The following HDHD2 variants were observed in gnomAD, a reference collection of about 807,000 sequenced individuals.
The protein encoded by HDHD2 is haloacid dehalogenase-like hydrolase domain-containing protein 2.
In HDHD2, 26 loss-of-function variants were observed where a neutral mutation model predicts 24.8. The observed-to-expected ratio is 1.05, with a 90% CI of 0.77 to 1.45. HDHD2 has a LOEUF of 1.45. Ranked by LOEUF, HDHD2 falls within the 40% of genes most tolerant of loss-of-function variation. The probability of loss-of-function intolerance (pLI) is 0.00; values close to 1 mark genes in which losing one functional copy is unlikely to be tolerated. For missense variants in HDHD2, 299 were observed against 313.4 expected, an observed-to-expected ratio of 0.95 and a Z score of 0.35; for synonymous variants, 128 against 114.9, an observed-to-expected ratio of 1.11 and a Z score of -0.73.
chr18:47,124,356 A>G (rs2063636092), intron 4 of HDHD2, among the ~76,000 whole-genome samples: 1 of 152,200 alleles, frequency 6.6e-6, no homozygotes, highest in African/African-American at 2.4e-5. Context: ...GGCAAATCAA[A>G]GATAGGGATA....
intron 3 of HDHD2, among the ~76,000 whole-genome samples, chr18:47,131,679 G>A (rs1800437657): frequency 6.6e-6 from 1 of 151,936 alleles, no homozygotes. Flanking sequence ...TTTTATTATT[G>A]CATCTCTTTT....
intron 2 of HDHD2, among the ~76,000 whole-genome samples, chr18:47,135,856 G>A (rs556625464): frequency 1.3e-5 from 2 of 152,198 alleles, no homozygotes; most frequent in South Asian, 4.1e-4. Flanking sequence ...ACAGTCCTTA[G>A]CCTTTAAAAG....
intron 1 of HDHD2, among the ~76,000 whole-genome samples, chr18:47,148,474 G>C (rs1599978371): frequency 6.6e-6 from 1 of 152,146 alleles, no homozygotes; most frequent in African/African-American, 2.4e-5. Flanking sequence ...CCCCTTAGAA[G>C]AGCCATAAAC....
Position 47,134,480 on chromosome 18 carries a change from T to C in HDHD2, c.310+16A>G. On this transcript the variant is annotated intron_variant, in intron 3 of 6. Coordinates refer to ENST00000300605, the MANE Select transcript of HDHD2 (RefSeq NM_032124.5). ...ATATAAATATCCAATCTTTAAATTT[T>C]CCAAATTTCCCCTACCTTTGAAATC... is the stretch of plus-strand genomic sequence containing the variant. The C allele has an allele frequency of 6.3e-7, 1 of 1,587,022 alleles. No homozygotes were observed. Among genetic ancestry groups the C allele is most frequent in the East Asian group, 2.2e-5 (1 of 44,734 alleles).
intron 3 of HDHD2, among the ~76,000 whole-genome samples, chr18:47,132,952 G>A (rs1481225676): frequency 1.3e-5 from 2 of 152,106 alleles, no homozygotes; most frequent in Non-Finnish European, 2.9e-5. Context: ...CTGCATTGAG[G>A]ATTAGCTTAT....
intron 3 of HDHD2, among the ~76,000 whole-genome samples, chr18:47,133,527 C>T (rs2063734084): frequency 7.0e-6 from 1 of 142,778 alleles, no homozygotes; most frequent in Non-Finnish European, 1.5e-5. Context: ...AATGGTATTT[C>T]TAGTTCTAGA....
intron 1 of HDHD2, among the ~76,000 whole-genome samples, chr18:47,144,819 A>G (rs2063853164): frequency 6.6e-6 from 1 of 151,220 alleles, no homozygotes; most frequent in African/African-American, 2.4e-5. Context: ...AAAAAAGAAA[A>G]GAAAAGAAAA....
At chr18:47,126,267 G>A (rs1370704173) in intron 4 of HDHD2, among the ~76,000 whole-genome samples, 1 of 152,180 alleles carries the variant, frequency 6.6e-6, no homozygotes, top group African/African-American at 2.4e-5. Flanking sequence ...AGGGCTCTAA[G>A]TACTTAGGAA....
chr18:47,110,516 T>A, intron 6 of HDHD2: 1 of 985,204 alleles, frequency 1.0e-6, no homozygotes. Context: ...AAGAGACAAA[T>A]AAATAAGCTT....
At chr18:47,148,785 CTATT>C (rs1347376226) in intron 1 of HDHD2, among the ~76,000 whole-genome samples, 1 of 152,222 alleles carries the variant, frequency 6.6e-6, no homozygotes, top group Non-Finnish European at 1.5e-5. Context: ...CTCATCTAGA[CTATT>C]TAAACAACTT....
At chr18:47,134,334 A>G in intron 3 of HDHD2, 162 bp downstream of exon 3, 1 of 623,174 alleles carries the variant, frequency 1.6e-6, no homozygotes, top group Non-Finnish European at 2.8e-6. Flanking sequence ...ACAGTCAAAA[A>G]AAGGTTTGGG....
chr18:47,147,179 C>T (rs1599975038), intron 1 of HDHD2, among the ~76,000 whole-genome samples: 1 of 152,292 alleles, frequency 6.6e-6, no homozygotes, highest in Middle Eastern at 3.4e-3. Flanking sequence ...TTAAGTAAAT[C>T]CCCGATTCTG....
chr18:47,122,036 C>T (rs1039570642), intron 4 of HDHD2, among the ~76,000 whole-genome samples: 1 of 152,078 alleles, frequency 6.6e-6, no homozygotes, highest in African/African-American at 2.4e-5. Flanking sequence ...TAATCCTTAT[C>T]CTATTGTGTT....
At chr18:47,122,153 T>A (rs1415041767) in intron 4 of HDHD2, among the ~76,000 whole-genome samples, 2 of 152,234 alleles carry the variant, frequency 1.3e-5, no homozygotes, top group Non-Finnish European at 2.9e-5. Context: ...TGCTAAATGT[T>A]TATTCAATAA....
chr18:47,110,370 C>T, intron 6 of HDHD2: 1 of 985,424 alleles, frequency 1.0e-6, no homozygotes, highest in Non-Finnish European at 1.2e-6. Context: ...GTCCCCGCAG[C>T]AAGCTCTACT....
Position 47,108,790 on chromosome 18 carries a change from A to G in HDHD2, c.677-5T>C. On this transcript the variant is annotated splice_polypyrimidine_tract_variant and splice_region_variant and intron_variant, in intron 6 of 6. Transcript: ENST00000300605. ...CATCTGATGCTCGATATTTCCCTGA[A>G]ATGAAAGTAAAGCCAGTAAACACAG... 1 of 1,572,330 alleles carries G rather than the reference A, an allele frequency of 6.4e-7. No homozygotes were observed. Among genetic ancestry groups the G allele is most frequent in the Non-Finnish European group, 8.7e-7 (1 of 1,143,244 alleles).
rs1421831165 is a variant in HDHD2 at position 47,115,162 on chromosome 18, A to G, written c.582T>C (p.Cys194=). Residue 194 remains cysteine (C), a synonymous_variant, in exon 5 of 7, where the codon TGT becomes TGC. Coordinates refer to ENST00000300605, the MANE Select transcript of HDHD2 (RefSeq NM_032124.5). The part of the protein sequence containing the change: ...FFLEALRGTG[C]EPEEAVMIGD... ...CTATCATGACAGCCTCCTCAGGTTCACAGCCAGTGCCCCGCAATGCTTCCA... is the reference window on the plus strand; with the variant it reads ...CTATCATGACAGCCTCCTCAGGTTCGCAGCCAGTGCCCCGCAATGCTTCCA... 1.2e-6 allele frequency: 2 copies of G among 1,613,766 alleles called. No individual in the cohort carries two copies. Among genetic ancestry groups the G allele is most frequent in the Non-Finnish European group, 1.7e-6 (2 of 1,179,834 alleles).
At chr18:47,144,532 C>T (rs1395126360) in intron 1 of HDHD2, among the ~76,000 whole-genome samples, 2 of 152,140 alleles carry the variant, frequency 1.3e-5, no homozygotes, top group African/African-American at 4.8e-5. Flanking sequence ...AGAAAAACTT[C>T]AAGATTGTAA....
intron 6 of HDHD2, chr18:47,110,043 T>C: frequency 2.0e-6 from 2 of 985,440 alleles, no homozygotes; most frequent in Non-Finnish European, 2.4e-6. Flanking sequence ...GCCCTTCACC[T>C]TTCTCCTTGC....
Sources: allele counts gnomAD v4.1 joint callset (sites outside exome capture counted in the v4.1 genomes callset), GRCh38; gene constraint gnomAD v4.1.1; transcripts MANE v1.5; gene names NCBI Gene and HGNC (gene_info 2026-07-23, HGNC 2026-07-21).